The following SIDT1 variants were observed in gnomAD, a reference collection of about 807,000 sequenced individuals.
SIDT1 encodes the protein SID1 transmembrane family member 1.
A neutral mutation model predicts 107.5 loss-of-function variants in SIDT1; 101 were observed. The ratio of observed to expected loss-of-function variants is 0.94; its 90% CI spans 0.80 to 1.11. The LOEUF is 1.11. Among genes scored for constraint, SIDT1 ranks in the 50% least tolerant of loss-of-function variants. SIDT1 has a pLI of 0.00. For missense variants in SIDT1, 1,076 were observed against 1,058.2 expected, an observed-to-expected ratio of 1.02 and a Z score of -0.23; for synonymous variants, 395 against 398.2, an observed-to-expected ratio of 0.99 and a Z score of 0.10.
chr3:113,625,520 G>C (rs1216445436), intron 23 of SIDT1, among the ~76,000 whole-genome samples: 5 of 152,136 alleles, frequency 3.3e-5, no homozygotes, highest in Non-Finnish European at 7.3e-5. Context: ...CACCAACAGT[G>C]TGTGAGAGTT....
intron 21 of SIDT1, among the ~76,000 whole-genome samples, chr3:113,621,130 C>T (rs1007033497): frequency 6.6e-6 from 1 of 152,062 alleles, no homozygotes. Context: ...TATATATAGG[C>T]ATAGAGATGT....
chr3:113,536,049 T>C (rs1357681592), intron 1 of SIDT1, among the ~76,000 whole-genome samples: 1 of 152,194 alleles, frequency 6.6e-6, no homozygotes, highest in African/African-American at 2.4e-5. Context: ...CAGCACAAGA[T>C]AGGTGATAGA....
rs777675286 is a variant in SIDT1 at position 113,580,634 on chromosome 3, C to T, written c.588C>T (p.Asp196=). Residue 196 remains aspartate (D), a synonymous_variant, in exon 5 of 25, where the codon GAC becomes GAT. Coordinates refer to ENST00000264852, the MANE Select transcript of SIDT1 (RefSeq NM_017699.3). ...PQYFLYKFPK[D]VDSVIIKVVS... ...ATTTTCTATACAAGTTTCCCAAAGA[C>T]GTGGACTCAGTTATCATTAAAGTGG... 1.4e-5 allele frequency: 22 copies of T among 1,609,804 alleles called. No homozygotes were observed. The highest frequency in any genetic ancestry group is 6.7e-5 in the East Asian group (3 of 44,860).
At chr3:113,615,432 A>G (rs1946035121) in intron 19 of SIDT1, among the ~76,000 whole-genome samples, 1 of 152,196 alleles carries the variant, frequency 6.6e-6, no homozygotes, top group South Asian at 2.1e-4. Context: ...AGCTCACAGA[A>G]ACACAGCCCG....
In SIDT1 at chr3:113,608,535, C is replaced by G. The variant is rs138289871; in HGVS notation, c.1719C>G (p.Phe573Leu). ...GCCCTAATTATTCCAACTTCCAATTCGGTAATTAGAACTTATATCTACTAT... is the reference window on the plus strand; with the variant it reads ...GCCCTAATTATTCCAACTTCCAATTGGGTAATTAGAACTTATATCTACTAT... Reference protein sequence around the residue: ...HVCPNYSNFQFDTSFMYMIAG... With the variant: ...HVCPNYSNFQLDTSFMYMIAG... The change falls in exon 17 of 25, where the codon TTC becomes TTG. Residue 573 changes from phenylalanine (F) to leucine (L), a missense_variant and splice_region_variant. Physicochemically the swap from Phe to Leu is conservative, Grantham distance 22. Coordinates refer to ENST00000264852, the MANE Select transcript of SIDT1 (RefSeq NM_017699.3). The G allele has an allele frequency of 2.5e-6, 4 of 1,590,216 alleles. No homozygotes were observed. The highest frequency in any genetic ancestry group is 3.5e-6 in the Non-Finnish European group (4 of 1,158,450).
intron 7 of SIDT1, 90 bp downstream of exon 7, chr3:113,583,586 T>A: frequency 2.3e-6 from 2 of 887,350 alleles, no homozygotes; most frequent in African/African-American, 1.6e-5. Context: ...TAGTTCCCAC[T>A]AAACAAGGGT....
chr3:113,582,013 A>G (rs74392869), intron 6 of SIDT1: 1,549 of 152,716 alleles, frequency 0.01, 17 homozygotes, highest in Non-Finnish European at 0.018. Flanking sequence ...ATTTCAGTCT[A>G]CTTATTGGGG....
At chr3:113,558,845 T>G (rs1941152177) in intron 1 of SIDT1, among the ~76,000 whole-genome samples, 1 of 152,266 alleles carries the variant, frequency 6.6e-6, no homozygotes, top group Admixed American at 6.5e-5. Flanking sequence ...AATTTGATGT[T>G]TATCATTTCT....
chr3:113,538,645 T>C (rs1189801435), intron 1 of SIDT1, among the ~76,000 whole-genome samples: 1 of 152,196 alleles, frequency 6.6e-6, no homozygotes, highest in African/African-American at 2.4e-5. Flanking sequence ...TACCAGAAAA[T>C]TTTCAAACAC....
the SIDT1 span, among the ~76,000 whole-genome samples, chr3:113,636,980 T>C: frequency 6.6e-6 from 1 of 152,058 alleles, no homozygotes; most frequent in Non-Finnish European, 1.5e-5. Context: ...CAGGTAAGAA[T>C]GAGAAGCAAA....
intron 13 of SIDT1, 56 bp downstream of exon 13, chr3:113,604,089 T>C: frequency 7.8e-7 from 1 of 1,281,692 alleles, no homozygotes; most frequent in Non-Finnish European, 1.1e-6. Context: ...GTTTTCTTAG[T>C]CAGAGCCACA....
chr3:113,573,736 G>A (rs1202201400), intron 3 of SIDT1, among the ~76,000 whole-genome samples: 1 of 152,166 alleles, frequency 6.6e-6, no homozygotes, highest in East Asian at 1.9e-4. Context: ...AGGATGCAGT[G>A]AGAAGGCACC....
intron 3 of SIDT1, among the ~76,000 whole-genome samples, chr3:113,575,481 C>T (rs747912701): frequency 2.0e-5 from 3 of 152,218 alleles, no homozygotes; most frequent in African/African-American, 4.8e-5. Context: ...GGAGCAGAAA[C>T]ATAACTGGGT....
chr3:113,540,154 A>G (rs1394663207), intron 1 of SIDT1, among the ~76,000 whole-genome samples: 1 of 152,200 alleles, frequency 6.6e-6, no homozygotes, highest in East Asian at 1.9e-4. Context: ...AGAAAGCGAG[A>G]GACAGAGGGG....
chr3:113,612,337 T>C (rs1203217889), intron 19 of SIDT1, 143 bp downstream of exon 19: 1 of 705,774 alleles, frequency 1.4e-6, no homozygotes, highest in Admixed American at 2.0e-5. Context: ...TAATAGCACA[T>C]ATTCGCTCCA....
chr3:113,605,013 C>G, intron 14 of SIDT1, 37 bp downstream of exon 14: 1 of 1,610,220 alleles, frequency 6.2e-7, no homozygotes, highest in South Asian at 1.1e-5. Context: ...AGAGTCCCAG[C>G]TTTCTTTCTG....
intron 4 of SIDT1, among the ~76,000 whole-genome samples, chr3:113,579,815 TA>T (rs1480321197): frequency 1.3e-5 from 2 of 152,226 alleles, no homozygotes; most frequent in African/African-American, 4.8e-5. Context: ...CTCAATCAGT[TA>T]TCGTATTTTA....
intron 1 of SIDT1, among the ~76,000 whole-genome samples, chr3:113,563,286 A>G (rs1381256370): frequency 4.6e-5 from 7 of 152,224 alleles, no homozygotes; most frequent in African/African-American, 1.7e-4. Context: ...CAAAGACAAA[A>G]TTGCAATCAC....
At chr3:113,550,842 C>G (rs890375626) in intron 1 of SIDT1, among the ~76,000 whole-genome samples, 2 of 151,956 alleles carry the variant, frequency 1.3e-5, no homozygotes, top group African/African-American at 4.8e-5. Flanking sequence ...ATTATTTCAT[C>G]ACCCAGATTA....
Sources: allele counts gnomAD v4.1 joint callset (sites outside exome capture counted in the v4.1 genomes callset), GRCh38; gene constraint gnomAD v4.1.1; transcripts MANE v1.5; gene names NCBI Gene and HGNC (gene_info 2026-07-23, HGNC 2026-07-21).